The following DESI2 variants were observed in gnomAD, a reference collection of about 807,000 sequenced individuals.
DESI2 encodes the protein deubiquitinase DESI2.
Under a neutral mutation model 24.1 loss-of-function variants are expected in DESI2, and 10 were observed. The observed-to-expected ratio is 0.41, with a 90% CI of 0.26 to 0.70. DESI2 has a LOEUF of 0.70. Ranked by LOEUF, DESI2 falls within the 30% of genes least tolerant of loss-of-function variation. The pLI is 0.29. For synonymous variants in DESI2, 71 were observed against 87.7 expected, an observed-to-expected ratio of 0.81 and a Z score of 1.06; for missense variants, 122 against 234.9, an observed-to-expected ratio of 0.52 and a Z score of 3.14.
intron 1 of DESI2, among the ~76,000 whole-genome samples, chr1:244,686,250 C>CTGTGTGTGTG (rs767500032): frequency 1.5e-3 from 226 of 150,502 alleles, no homozygotes; most frequent in South Asian, 3.0e-3. Context: ...AAAGCACACT[C>CTGTGTGTGTG]TGTGTGTGTG....
intron 4 of DESI2, among the ~76,000 whole-genome samples, chr1:244,703,561 G>A (rs937810675): frequency 3.9e-5 from 6 of 152,068 alleles, no homozygotes; most frequent in Non-Finnish European, 8.8e-5. Context: ...ATGTTGCCCA[G>A]GGTGGTCTTG....
intron 1 of DESI2, among the ~76,000 whole-genome samples, chr1:244,686,250 C>CTG (rs767500032): frequency 0.057 from 8,537 of 150,408 alleles, 242 homozygotes; most frequent in East Asian, 0.074. Flanking sequence ...AAAGCACACT[C>CTG]TGTGTGTGTG....
intron 1 of DESI2, among the ~76,000 whole-genome samples, chr1:244,671,062 T>G (rs1676227007): frequency 6.6e-6 from 1 of 152,176 alleles, no homozygotes. Flanking sequence ...TACAAATGGT[T>G]TACATAGGTA....
chr1:244,663,195 C>CT (rs1400461312), intron 1 of DESI2, among the ~76,000 whole-genome samples: 50 of 150,520 alleles, frequency 3.3e-4, no homozygotes, highest in African/African-American at 1.0e-3. Context: ...TTTTTTTTTC[C>CT]TTTTTTTTGA....
chr1:244,688,699 G>A (rs1676906831), intron 2 of DESI2, among the ~76,000 whole-genome samples: 1 of 125,692 alleles, frequency 8.0e-6, no homozygotes. Flanking sequence ...TGATTGGATG[G>A]GAGGGTGGAT....
In DESI2 at chr1:244,653,574, A is replaced by G. The variant is rs906103879; in HGVS notation, c.42+219A>G. 2.2e-4 allele frequency: 115 copies of G among 531,090 alleles called. No homozygotes were observed. The East Asian group carries it at 3.7e-3, about 17-fold the overall frequency. The allele number at this position is 531,090 out of a possible 1,614,324, so 32.9% of individuals were successfully genotyped here. On this transcript the variant is annotated intron_variant, in intron 1 of 4. Coordinates refer to ENST00000302550, the MANE Select transcript of DESI2 (RefSeq NM_016076.5). ...CAGTCAGCCCGAGGGTTTTGGCCAA[A>G]GCTCGGGTGGGCTTGAACCTCTCCC...
intron 1 of DESI2, among the ~76,000 whole-genome samples, chr1:244,669,568 T>G (rs1341979396): frequency 3.3e-5 from 5 of 151,752 alleles, no homozygotes; most frequent in Non-Finnish European, 5.9e-5. Context: ...ATCCTAGCTA[T>G]TTGGGAGGCT....
chr1:244,683,578 TG>T (rs780120991), intron 1 of DESI2, among the ~76,000 whole-genome samples: 5 of 152,210 alleles, frequency 3.3e-5, no homozygotes, highest in African/African-American at 7.2e-5. Context: ...CCCAAAGTGC[TG>T]GGATTACAGG....
chr1:244,701,465 AAAG>A (rs1431171360), intron 4 of DESI2, among the ~76,000 whole-genome samples: 2 of 152,178 alleles, frequency 1.3e-5, no homozygotes, highest in Non-Finnish European at 2.9e-5. Flanking sequence ...GGACAAAATT[AAAG>A]AAGATGCTTT....
chr1:244,706,509 A>G lies in DESI2; in HGVS notation c.*720A>G, dbSNP rs554351731. Reference sequence around the variant, plus strand: ...CTCTGACTTTGATGCCACTCATTCTATAGTTTAGCTGGTTTTCGTTCAAGA... The same window carrying G: ...CTCTGACTTTGATGCCACTCATTCTGTAGTTTAGCTGGTTTTCGTTCAAGA... On this transcript the variant is annotated 3_prime_UTR_variant, in exon 5 of 5. Coordinates refer to ENST00000302550, the MANE Select transcript of DESI2 (RefSeq NM_016076.5). The G allele has an allele frequency of 1.3e-5, 2 of 152,758 alleles. No homozygotes were observed. The highest frequency in any genetic ancestry group is 2.4e-5 in the African/African-American group (1 of 41,556). The allele number at this position is 152,758 out of a possible 1,614,324, so 9.5% of individuals were successfully genotyped here.
At chr1:244,669,216 T>C (rs900065143) in intron 1 of DESI2, among the ~76,000 whole-genome samples, 2 of 152,054 alleles carry the variant, frequency 1.3e-5, no homozygotes, top group African/African-American at 4.8e-5. Context: ...AGGCTGGTCT[T>C]GAACTCCTGG....
chr1:244,674,507 A>G (rs1053214751), intron 1 of DESI2, among the ~76,000 whole-genome samples: 4 of 152,150 alleles, frequency 2.6e-5, no homozygotes, highest in Non-Finnish European at 5.9e-5. Flanking sequence ...CCCATTAGCA[A>G]TCACTTCCCA....
Position 244,689,372 on chromosome 1 carries a change from T to G in DESI2, c.209+30T>G. The G allele has an allele frequency of 9.9e-7, 1 of 1,015,216 alleles. No individual in the cohort carries two copies. The highest frequency in any genetic ancestry group is 1.6e-5 in the African/African-American group (1 of 62,980). 62.9% of individuals were successfully genotyped at this position (1,015,216 alleles called of 1,614,324 possible). A position where few individuals can be genotyped will look rare whatever the true frequency, so the allele number is the denominator to read the frequency against. On this transcript the variant is annotated intron_variant, in intron 3 of 4. Coordinates refer to ENST00000302550, the MANE Select transcript of DESI2 (RefSeq NM_016076.5). This position sits in a 1 kb window ranked among gnomAD's most constrained non-coding sequence, Gnocchi z 4.0. ...GTAGGGAGGATAATTTTTATTACAC[T>G]GTCTTAGGTGCCATAGCTTGTTTTC...
intron 4 of DESI2, among the ~76,000 whole-genome samples, chr1:244,702,125 T>G (rs1217725921): frequency 6.6e-6 from 1 of 152,216 alleles, no homozygotes; most frequent in African/African-American, 2.4e-5. Context: ...CTAAGATGTG[T>G]CATGGTTACC....
chr1:244,663,741 G>A (rs556689572), intron 1 of DESI2, among the ~76,000 whole-genome samples: 50 of 151,898 alleles, frequency 3.3e-4, no homozygotes, highest in African/African-American at 9.4e-4. Context: ...GAACTTGGCC[G>A]GGCACGGTGG....
chr1:244,696,886 G>GGACA (rs35888129), intron 4 of DESI2, among the ~76,000 whole-genome samples: 1 of 136,614 alleles, frequency 7.3e-6, no homozygotes, highest in Non-Finnish European at 1.7e-5. Context: ...TTTTGGCAGA[G>GGACA]GACGCCTGCA....
At chr1:244,672,592 C>T (rs1049218855) in intron 1 of DESI2, among the ~76,000 whole-genome samples, 13 of 152,102 alleles carry the variant, frequency 8.5e-5, no homozygotes, top group African/African-American at 2.4e-5. Flanking sequence ...AAATTAATAG[C>T]AGTTGGCCAC....
intron 1 of DESI2, among the ~76,000 whole-genome samples, chr1:244,676,088 T>TG (rs940069122): frequency 6.6e-6 from 1 of 151,390 alleles, no homozygotes; most frequent in African/African-American, 2.4e-5. Flanking sequence ...CAATCAATTT[T>TG]TTTTTTGAGA....
intron 4 of DESI2, among the ~76,000 whole-genome samples, chr1:244,693,834 G>A (rs780804183): frequency 6.6e-6 from 1 of 152,308 alleles, no homozygotes; most frequent in South Asian, 2.1e-4. Flanking sequence ...TGGATAGTGA[G>A]GGATAAGGAG....
Sources: allele counts gnomAD v4.1 joint callset (sites outside exome capture counted in the v4.1 genomes callset), GRCh38; gene constraint gnomAD v4.1.1; non-coding constraint Gnocchi (gnomAD v3.1); transcripts MANE v1.5; gene names NCBI Gene and HGNC (gene_info 2026-07-23, HGNC 2026-07-21).